The following DLG1 variants were observed in gnomAD, a reference collection of about 807,000 sequenced individuals.
The protein encoded by DLG1 is disks large homolog 1.
In DLG1, 42 loss-of-function variants were observed where a neutral mutation model predicts 123.4. The ratio of observed to expected loss-of-function variants is 0.34; its 90% CI spans 0.27 to 0.44. The LOEUF is 0.44. DLG1 is among the 20% of genes least tolerant of loss of function. The pLI is 1.00. For missense variants in DLG1, 942 were observed against 1,082.6 expected (o/e 0.87, Z 1.82); for synonymous variants, 317 against 356.2 (o/e 0.89, Z 1.24).
At chr3:197,088,779 A>G (rs1006256667) in intron 15 of DLG1, among the ~76,000 whole-genome samples, 12 of 152,258 alleles carry the variant, frequency 7.9e-5, no homozygotes, top group Non-Finnish European at 1.3e-4. Context: ...GATATTTAGT[A>G]GTAAGAATAT....
rs1469114069 is a variant in DLG1, at chr3:197,065,326, T to G, written c.2323A>C (p.Asn775His). Residue 775 changes from asparagine to histidine, a missense_variant, in exon 22 of 25, where the codon AAT (asparagine) becomes CAT (histidine). Physicochemically the swap from Asn to His is moderately conservative, Grantham distance 68. Transcript: ENST00000667157. Reference sequence around the variant, plus strand: ...TGAACACTTGTTCCATATAGATGATTGTTATACTGGCCAGCTTCAATGAAT... The same window carrying G: ...TGAACACTTGTTCCATATAGATGATGGTTATACTGGCCAGCTTCAATGAAT... ...HKFIEAGQYN[N>H]HLYGTSVQSV... 3.7e-6 allele frequency: 6 copies of G among 1,613,026 alleles called. No individual in the cohort carries two copies. Among genetic ancestry groups the G allele is most frequent in the Non-Finnish European group, 4.2e-6 (5 of 1,179,714 alleles).
At chr3:197,242,412 G>T (rs576604131) in intron 4 of DLG1, among the ~76,000 whole-genome samples, 110 of 151,994 alleles carry the variant, frequency 7.2e-4, no homozygotes, top group Non-Finnish European at 1.1e-3. Context: ...AAACACTGGA[G>T]TTAAACTACA....
At chr3:197,080,093 C>T (rs1302170739) in intron 17 of DLG1, among the ~76,000 whole-genome samples, 1 of 151,386 alleles carries the variant, frequency 6.6e-6, no homozygotes, top group East Asian at 1.9e-4. Context: ...CTAGAATATT[C>T]CACTGCAGTG....
At chr3:197,125,056 T>C (rs1044613628) in intron 11 of DLG1, among the ~76,000 whole-genome samples, 1 of 152,170 alleles carries the variant, frequency 6.6e-6, no homozygotes, top group African/African-American at 2.4e-5. Flanking sequence ...TGACTCCCAT[T>C]AAAACACAAG....
chr3:197,176,073 A>T (rs1399911692), intron 5 of DLG1, among the ~76,000 whole-genome samples: 1 of 152,182 alleles, frequency 6.6e-6, no homozygotes, highest in Non-Finnish European at 1.5e-5. Flanking sequence ...TACAGAAGCT[A>T]CAAAGAAGAA....
At chr3:197,225,970 C>T (rs1268722146) in intron 4 of DLG1, 1 of 152,534 alleles carries the variant, frequency 6.6e-6, no homozygotes, top group Non-Finnish European at 1.5e-5. Flanking sequence ...TTTTCAGACC[C>T]TGAGCATTTA....
rs188239547 is a variant in DLG1 at position 197,087,664 on chromosome 3, C to T, written c.1662-1908G>A. Among the ~76,000 whole-genome samples, 66 of 152,208 alleles carry T rather than the reference C, an allele frequency of 4.3e-4. No individual in the cohort carries two copies. In the East Asian group the frequency reaches 0.01, roughly 24 times the overall value. On this transcript the variant is annotated intron_variant, in intron 15 of 24. Transcript: ENST00000667157. The stretch of plus-strand genomic sequence containing the variant: ...GATTTTAACACATTTCTGGATGATG[C>T]TAATTAAATTTAGCAGAATGAAAGA...
intron 18 of DLG1, among the ~76,000 whole-genome samples, chr3:197,074,549 A>G (rs1312869203): frequency 6.6e-6 from 1 of 152,056 alleles, no homozygotes; most frequent in African/African-American, 2.4e-5. Context: ...TACCACCTCT[A>G]AAGTATGTTA....
intron 4 of DLG1, among the ~76,000 whole-genome samples, chr3:197,233,678 C>G (rs560556263): frequency 1.3e-5 from 2 of 152,244 alleles, no homozygotes; most frequent in South Asian, 4.2e-4. Flanking sequence ...AGCCACCATG[C>G]CTGGCTAATT....
In DLG1 at chr3:197,074,362, C is replaced by CTG. The variant is rs1745927431; in HGVS notation, c.2005+2223_2005+2224insCA. Among the ~76,000 whole-genome samples, 6 of 151,998 alleles carry CTG rather than the reference C, an allele frequency of 3.9e-5. No individual in the cohort carries two copies. In the South Asian group the frequency reaches 1.2e-3, roughly 31 times the overall value. On this transcript the variant is annotated intron_variant, in intron 18 of 24. Coordinates refer to ENST00000667157, the MANE Select transcript of DLG1 (RefSeq NM_001366207.1). ...AGTTACCATTTTTCATATTATTTCT[C>CTG]TTCCAAAGTCTCAATCTTCAATCAG...
chr3:197,297,098 A>T, intron 2 of DLG1, 88 bp downstream of exon 2: 1 of 1,439,368 alleles, frequency 6.9e-7, no homozygotes, highest in Non-Finnish European at 9.8e-7. Context: ...CATCAAAGTT[A>T]CACAAACGAT....
intron 4 of DLG1, among the ~76,000 whole-genome samples, chr3:197,261,530 T>C (rs777953411): frequency 6.6e-6 from 1 of 152,194 alleles, no homozygotes; most frequent in Non-Finnish European, 1.5e-5. Flanking sequence ...TCCACAAAGT[T>C]TCCTCACAGT....
At position 197,216,404 on chromosome 3, in the gene DLG1, C is replaced by T. The variant is rs145744424; in HGVS notation, c.319-21815G>A. ...TCATATTCACAGATATGATTTATTA[C>T]GACGAAAGGCTACAAAGCAAAAATC... On this transcript the variant is annotated intron_variant, in intron 4 of 24. Coordinates refer to ENST00000667157, the MANE Select transcript of DLG1 (RefSeq NM_001366207.1). 1.5e-3 allele frequency among the ~76,000 whole-genome samples: 226 copies of T among 152,158 alleles called. 5 individuals carry two copies. The East Asian group carries it at 0.034, about 23-fold the overall frequency.
intron 22 of DLG1, among the ~76,000 whole-genome samples, chr3:197,060,924 C>T (rs534899282): frequency 6.6e-6 from 1 of 152,264 alleles, no homozygotes; most frequent in Admixed American, 6.5e-5. Context: ...CTGCTTCAGC[C>T]TCCCCAGTAG....
At chr3:197,219,380 T>C (rs889128881) in intron 4 of DLG1, among the ~76,000 whole-genome samples, 9 of 152,248 alleles carry the variant, frequency 5.9e-5, no homozygotes, top group African/African-American at 1.9e-4. Flanking sequence ...CAATCTCCCT[T>C]GATGATAGGA....
At chr3:197,282,870 A>C (rs9859322) in intron 3 of DLG1, 25 bp from the exon 4 acceptor site, 43 of 1,363,012 alleles carry the variant, frequency 3.2e-5, no homozygotes, top group Non-Finnish European at 4.3e-5. Context: ...ATAAAAATTC[A>C]TAAGTATTTA....
chr3:197,123,429 G>C (rs1017019734), intron 11 of DLG1, among the ~76,000 whole-genome samples: 8 of 152,110 alleles, frequency 5.3e-5, no homozygotes, highest in African/African-American at 1.9e-4. Flanking sequence ...ATGGAAAAAT[G>C]TAAAAAGATT....
At chr3:197,066,448 T>A (rs1016047562) in intron 20 of DLG1, among the ~76,000 whole-genome samples, 1 of 152,164 alleles carries the variant, frequency 6.6e-6, no homozygotes, top group South Asian at 2.1e-4. Flanking sequence ...TGGAAGATAG[T>A]GATGCTAACA....
intron 5 of DLG1, among the ~76,000 whole-genome samples, chr3:197,177,406 T>A (rs2150091029): frequency 6.6e-6 from 1 of 152,304 alleles, no homozygotes; most frequent in African/African-American, 2.4e-5. Context: ...GTAGTCTACT[T>A]TTTAGTACAA....
Sources: allele counts gnomAD v4.1 joint callset (sites outside exome capture counted in the v4.1 genomes callset), GRCh38; gene constraint gnomAD v4.1.1; transcripts MANE v1.5; gene names NCBI Gene and HGNC (gene_info 2026-07-23, HGNC 2026-07-21).